DACH2: variants seen among roughly 807,000 people sequenced by gnomAD.
The protein encoded by DACH2 is dachshund family transcription factor 2.
A neutral mutation model predicts 35.8 loss-of-function variants in DACH2; 17 were observed. The ratio of observed to expected loss-of-function variants is 0.48; its 90% CI spans 0.33 to 0.71. DACH2 has a LOEUF of 0.71. Among genes scored for constraint, DACH2 ranks in the 30% least tolerant of loss-of-function variants. The pLI is 0.02. For missense variants in DACH2, 469 were observed against 472.7 expected, an observed-to-expected ratio of 0.99 and a Z score of 0.07; for synonymous variants, 195 against 177.3, an observed-to-expected ratio of 1.10 and a Z score of -0.79.
intron 1 of DACH2, among the ~76,000 whole-genome samples, chrX:86,306,184 G>A (rs2034683636): frequency 8.9e-6 from 1 of 111,937 alleles, no homozygotes; most frequent in South Asian, 3.7e-4. Flanking sequence ...GCCAAGATAT[G>A]AAATCAACCT....
intron 1 of DACH2, among the ~76,000 whole-genome samples, chrX:86,237,583 C>T (rs1366035300): frequency 9.0e-6 from 1 of 111,675 alleles, no homozygotes; most frequent in African/African-American, 3.3e-5. Context: ...CTTGAGCCCA[C>T]TGTTCTTGTT....
chrX:86,591,864 T>C (rs2039651756), intron 3 of DACH2, among the ~76,000 whole-genome samples: 1 of 111,304 alleles, frequency 9.0e-6, no homozygotes, highest in Admixed American at 9.6e-5. Context: ...ATTTGATTGT[T>C]TATTTTCTTA....
intron 1 of DACH2, among the ~76,000 whole-genome samples, chrX:86,167,232 C>T (rs2030973428): frequency 9.0e-6 from 1 of 111,556 alleles, no homozygotes; most frequent in African/African-American, 3.2e-5. Context: ...GCTTCAATAT[C>T]ATTACTTGTT....
intron 6 of DACH2, among the ~76,000 whole-genome samples, chrX:86,715,195 C>CA (rs1299947326): frequency 9.0e-6 from 1 of 111,348 alleles, no homozygotes; most frequent in African/African-American, 3.3e-5. Context: ...CATGTTTCCT[C>CA]AACTATAAAA....
chrX:86,466,622 A>C (rs185911783), intron 2 of DACH2, among the ~76,000 whole-genome samples: 1 of 112,020 alleles, frequency 8.9e-6, no homozygotes, highest in East Asian at 2.8e-4. Context: ...GTAAAATAAA[A>C]AGTAAGCTAG....
At chrX:86,500,007 G>A (rs2038227763) in intron 2 of DACH2, among the ~76,000 whole-genome samples, 1 of 111,462 alleles carries the variant, frequency 9.0e-6, no homozygotes, top group Non-Finnish European at 1.9e-5. Flanking sequence ...CACACAATTG[G>A]TGCCTGCAAG....
intron 3 of DACH2, among the ~76,000 whole-genome samples, chrX:86,538,330 T>A (rs1217379918): frequency 3.6e-5 from 4 of 111,500 alleles, no homozygotes; most frequent in Non-Finnish European, 3.8e-5. Flanking sequence ...TCCTTAGCAC[T>A]CTATTTATGG....
At chrX:86,667,596 GAAA>G (rs1569463731) in intron 4 of DACH2, among the ~76,000 whole-genome samples, 13 of 104,737 alleles carry the variant, frequency 1.2e-4, no homozygotes, top group African/African-American at 4.9e-4. Context: ...AAGAAAGAAA[GAAA>G]GAAAGAAAGA....
intron 3 of DACH2, among the ~76,000 whole-genome samples, chrX:86,605,296 C>A (rs1274967834): frequency 3.6e-5 from 4 of 111,241 alleles, no homozygotes; most frequent in South Asian, 3.7e-4. Flanking sequence ...AAAAACATTT[C>A]TTTTAGTGCT....
At chrX:86,312,187 T>G (rs1224406242) in intron 1 of DACH2, among the ~76,000 whole-genome samples, 1 of 112,442 alleles carries the variant, frequency 8.9e-6, no homozygotes, top group African/African-American at 3.2e-5. Flanking sequence ...AAAAACATGT[T>G]TCTGCATGTA....
At chrX:86,801,682 CTG>C (rs1328153864) in intron 7 of DACH2, among the ~76,000 whole-genome samples, 1 of 112,004 alleles carries the variant, frequency 8.9e-6, no homozygotes, top group Non-Finnish European at 1.9e-5. Context: ...ACTGTGAATT[CTG>C]TGTTATACAG....
chrX:86,621,415 G>T (rs2040067923), intron 3 of DACH2, among the ~76,000 whole-genome samples: 1 of 111,253 alleles, frequency 9.0e-6, no homozygotes, highest in Non-Finnish European at 1.9e-5. Flanking sequence ...GATAAATTAA[G>T]TGGTATAACT....
At chrX:86,646,395 A>G (rs921297853) in intron 3 of DACH2, among the ~76,000 whole-genome samples, 1 of 110,879 alleles carries the variant, frequency 9.0e-6, no homozygotes, top group African/African-American at 3.3e-5. Context: ...TCACCAATAC[A>G]CAATATATCC....
At chrX:86,774,623 G>A (rs1444649409) in intron 7 of DACH2, among the ~76,000 whole-genome samples, 3 of 111,827 alleles carry the variant, frequency 2.7e-5, no homozygotes, top group African/African-American at 9.8e-5. Context: ...ACAATCAATG[G>A]CATTTCTGAA....
chrX:86,320,166 C>T (rs188518199), intron 1 of DACH2, among the ~76,000 whole-genome samples: 1 of 111,271 alleles, frequency 9.0e-6, no homozygotes, highest in Non-Finnish European at 1.9e-5. Flanking sequence ...CATGCATGCA[C>T]CAAGGGTGTC....
At chrX:86,439,969 G>T (rs1396588537) in intron 2 of DACH2, among the ~76,000 whole-genome samples, 1 of 111,255 alleles carries the variant, frequency 9.0e-6, no homozygotes, top group Non-Finnish European at 1.9e-5. Flanking sequence ...ATTCCATTGT[G>T]GTCTGAGAAC....
At chrX:86,471,214 T>C (rs1255869766) in intron 2 of DACH2, among the ~76,000 whole-genome samples, 1 of 111,819 alleles carries the variant, frequency 8.9e-6, no homozygotes, top group African/African-American at 3.2e-5. Context: ...CTGACAATGC[T>C]GTGAGTTTTA....
intron 1 of DACH2, among the ~76,000 whole-genome samples, chrX:86,232,722 A>C (rs1252782653): frequency 3.6e-5 from 4 of 112,477 alleles, no homozygotes; most frequent in Non-Finnish European, 7.5e-5. Context: ...GAGAAAAGGG[A>C]ATGCTTATAC....
chrX:86,380,884 T>C (rs2036037085), intron 2 of DACH2, among the ~76,000 whole-genome samples: 1 of 110,780 alleles, frequency 9.0e-6, no homozygotes, highest in Non-Finnish European at 1.9e-5. Context: ...TTAAGTATTT[T>C]TACATTATGT....
Sources: allele counts gnomAD v4.1 joint callset (sites outside exome capture counted in the v4.1 genomes callset), GRCh38; gene constraint gnomAD v4.1.1; transcripts MANE v1.5; gene names NCBI Gene and HGNC (gene_info 2026-07-23, HGNC 2026-07-21).